BPTF: variants seen among roughly 807,000 people sequenced by gnomAD.
BPTF encodes the protein nucleosome-remodeling factor subunit BPTF.
BPTF carries 18 observed loss-of-function variants against 292.5 expected under a neutral mutation model. That is an observed-to-expected ratio of 0.06 (90% CI 0.04 to 0.09). BPTF has a LOEUF of 0.09. Ranked by LOEUF, BPTF falls within the 10% of genes least tolerant of loss-of-function variation. The pLI is 1.00. For synonymous variants in BPTF, 1,225 were observed against 1,251.9 expected, an observed-to-expected ratio of 0.98 and a Z score of 0.45; for missense variants, 2,726 against 3,498.7, an observed-to-expected ratio of 0.78 and a Z score of 5.57.
chr17:67,942,439 T>C lies in BPTF; in HGVS notation c.6478-1711T>C, dbSNP rs536982911. On this transcript the variant is annotated intron_variant, in intron 19 of 27. Coordinates refer to ENST00000306378, the MANE Select transcript of BPTF (RefSeq NM_182641.4). ...AGAAGTACATATTAAAACCATATGC[T>C]TAAGAGATTGGTACAAATTTAAATG... Among the ~76,000 whole-genome samples, 6 of 152,250 alleles carry C rather than the reference T, an allele frequency of 3.9e-5. No individual in the cohort carries two copies. In the South Asian group the frequency reaches 1.0e-3, roughly 26 times the overall value.
intron 13 of BPTF, among the ~76,000 whole-genome samples, chr17:67,921,704 A>G (rs2063454665): frequency 6.6e-6 from 1 of 152,086 alleles, no homozygotes; most frequent in African/African-American, 2.4e-5. Flanking sequence ...CAATGAAGTA[A>G]TACCTGTTCC....
At chr17:67,917,131 C>CCT (rs2063065953) in intron 11 of BPTF, among the ~76,000 whole-genome samples, 2 of 105,808 alleles carry the variant, frequency 1.9e-5, no homozygotes, top group African/African-American at 7.2e-5. Flanking sequence ...TGGTATTGTC[C>CCT]TTTTTTTTTT....
intron 2 of BPTF, among the ~76,000 whole-genome samples, chr17:67,863,530 C>T (rs576125490): frequency 2.0e-4 from 30 of 152,166 alleles, no homozygotes; most frequent in African/African-American, 5.5e-4. Flanking sequence ...GTGATCTGCC[C>T]GCCTTGGCCT....
chr17:67,884,891 G>A (rs1220652889), intron 4 of BPTF, among the ~76,000 whole-genome samples: 1 of 151,986 alleles, frequency 6.6e-6, no homozygotes, highest in Non-Finnish European at 1.5e-5. Context: ...TTCGTGTATT[G>A]TGAGACTTGG....
intron 3 of BPTF, among the ~76,000 whole-genome samples, chr17:67,869,967 T>TGG (rs2059621406): frequency 8.1e-6 from 1 of 122,926 alleles, no homozygotes; most frequent in Admixed American, 1.1e-4. Flanking sequence ...GCCACTGCAC[T>TGG]CCAGCCTGGG....
At chr17:67,857,544 G>A (rs980958421) in intron 2 of BPTF, among the ~76,000 whole-genome samples, 6 of 149,950 alleles carry the variant, frequency 4.0e-5, no homozygotes, top group African/African-American at 1.5e-4. Flanking sequence ...TCGGCTAACT[G>A]CAGCCTCGAC....
intron 26 of BPTF, among the ~76,000 whole-genome samples, chr17:67,970,292 G>A (rs1461184525): frequency 6.6e-6 from 1 of 151,672 alleles, no homozygotes; most frequent in Non-Finnish European, 1.5e-5. Flanking sequence ...GTCCCAGCCC[G>A]AGAGACTGAG....
At chr17:67,901,767 A>G (rs989460371) in intron 7 of BPTF, among the ~76,000 whole-genome samples, 2 of 152,266 alleles carry the variant, frequency 1.3e-5, no homozygotes, top group Non-Finnish European at 2.9e-5. Flanking sequence ...GTGAAGGTGT[A>G]GGAACGCAGG....
chr17:67,928,237 T>G, intron 15 of BPTF, 118 bp from the exon 16 acceptor site: 1 of 1,135,518 alleles, frequency 8.8e-7, no homozygotes, highest in Non-Finnish European at 1.2e-6. Context: ...GTAAAATACT[T>G]CAGAAATGTA....
intron 11 of BPTF, among the ~76,000 whole-genome samples, chr17:67,915,862 T>C (rs2062950240): frequency 6.6e-6 from 1 of 152,160 alleles, no homozygotes. Context: ...TAGAAGATGC[T>C]CAAGTATTTT....
chr17:67,881,688 G>C (rs1263065673), intron 4 of BPTF, among the ~76,000 whole-genome samples: 6 of 151,366 alleles, frequency 4.0e-5, no homozygotes, highest in Non-Finnish European at 8.8e-5. Flanking sequence ...ATTTATAGTA[G>C]AGATGGGGTT....
At chr17:67,965,793 A>G (rs2068035082) in intron 25 of BPTF, 1 of 151,604 alleles carries the variant, frequency 6.6e-6, no homozygotes, top group Non-Finnish European at 1.5e-5. Context: ...GTGGTTGCTC[A>G]CATCTATAAT....
chr17:67,881,858 G>GTTTTTTGTTTTTTTT (rs2060435467), intron 4 of BPTF, among the ~76,000 whole-genome samples: 1 of 30,016 alleles, frequency 3.3e-5, no homozygotes, highest in Non-Finnish European at 8.0e-5. Context: ...TTGGGTTTTT[G>GTTTTTTGTTTTTTTT]TTTTTTTTTT....
At chr17:67,891,450 C>T (rs2061104596) in intron 4 of BPTF, 1 of 154,842 alleles carries the variant, frequency 6.5e-6, no homozygotes, top group Non-Finnish European at 1.4e-5. Flanking sequence ...CAGTGGAAAT[C>T]TTTCAAAAAC....
chr17:67,917,234 G>A (rs1249592890), intron 11 of BPTF, among the ~76,000 whole-genome samples: 1 of 149,552 alleles, frequency 6.7e-6, no homozygotes, highest in African/African-American at 2.5e-5. Flanking sequence ...CTGGGTTCGA[G>A]CTATTCTTCT....
At chr17:67,831,987 G>A (rs1216024171) in intron 1 of BPTF, among the ~76,000 whole-genome samples, 1 of 152,136 alleles carries the variant, frequency 6.6e-6, no homozygotes, top group African/African-American at 2.4e-5. Flanking sequence ...CACCTCCTGG[G>A]TTCAAGCGAT....
chr17:67,943,307 T>G (rs1246390205), intron 19 of BPTF, among the ~76,000 whole-genome samples: 1 of 152,240 alleles, frequency 6.6e-6, no homozygotes, highest in Non-Finnish European at 1.5e-5. Context: ...CACATGTATA[T>G]GGAGCTTACT....
chr17:67,842,387 C>T (rs1447568155), intron 1 of BPTF, among the ~76,000 whole-genome samples: 1 of 152,110 alleles, frequency 6.6e-6, no homozygotes, highest in Non-Finnish European at 1.5e-5. Flanking sequence ...TGTGATAGTC[C>T]TCAGCATTTA....
rs1460178935 is a variant in BPTF at position 67,976,082 on chromosome 17, AT to A, written c.8726+125del. 15 of 604,448 alleles carry A rather than the reference AT, an allele frequency of 2.5e-5. No individual in the cohort carries two copies. The East Asian group carries it at 2.8e-4, about 11-fold the overall frequency. The allele number at this position is 604,448 out of a possible 1,614,324, so 37.4% of individuals were successfully genotyped here. On this transcript the variant is annotated intron_variant, in intron 27 of 27. Transcript: ENST00000306378. ...AACCTTAAATATCTTTAAAAAAAAA[AT>A]AAATAAATCAAGACTCCAGGGTTAT...
Sources: allele counts gnomAD v4.1 joint callset (sites outside exome capture counted in the v4.1 genomes callset), GRCh38; gene constraint gnomAD v4.1.1; transcripts MANE v1.5; gene names NCBI Gene and HGNC (gene_info 2026-07-23, HGNC 2026-07-21).